VKORC1L1: variants seen among roughly 807,000 people sequenced by gnomAD.
VKORC1L1 encodes the protein vitamin K epoxide reductase complex subunit 1-like protein 1.
VKORC1L1 carries 2 observed loss-of-function variants against 18.9 expected under a neutral mutation model. That is an observed-to-expected ratio of 0.11 (90% CI 0.04 to 0.33). VKORC1L1 has a LOEUF of 0.33. Ranked by LOEUF, VKORC1L1 falls within the 10% of genes least tolerant of loss-of-function variation. The probability of loss-of-function intolerance (pLI) is 1.00; values close to 1 mark genes in which losing one functional copy is unlikely to be tolerated. For synonymous variants in VKORC1L1, 96 were observed against 100.0 expected (o/e 0.96, Z 0.24); for missense variants, 123 against 224.1 (o/e 0.55, Z 2.88).
At chr7:65,950,263 A>C (rs1406239341) in intron 2 of VKORC1L1, among the ~76,000 whole-genome samples, 3 of 152,112 alleles carry the variant, frequency 2.0e-5, no homozygotes, top group African/African-American at 7.2e-5. Flanking sequence ...CATTTTATGC[A>C]TTCTTTATCC....
At chr7:65,949,244 C>T (rs1413258879) in intron 2 of VKORC1L1, among the ~76,000 whole-genome samples, 1 of 152,038 alleles carries the variant, frequency 6.6e-6, no homozygotes, top group Non-Finnish European at 1.5e-5. Context: ...CTTAGGGAGG[C>T]CAAGATAGGC....
intron 1 of VKORC1L1, among the ~76,000 whole-genome samples, chr7:65,910,129 TA>T (rs1205585282): frequency 6.6e-6 from 1 of 152,180 alleles, no homozygotes; most frequent in African/African-American, 2.4e-5. Context: ...TCACATCTTT[TA>T]AAAGTTGGAA....
In VKORC1L1 at chr7:65,958,976, G is replaced by A. The variant is rs1208976094; in HGVS notation, c.*4676G>A. The A allele has an allele frequency of 6.6e-6, 1 of 152,234 alleles. No homozygotes were observed. Among genetic ancestry groups the A allele is most frequent in the Non-Finnish European group, 1.5e-5 (1 of 68,048 alleles). 9.4% of individuals were successfully genotyped at this position (152,234 alleles called of 1,614,324 possible). On this transcript the variant is annotated 3_prime_UTR_variant, in exon 3 of 3. Coordinates refer to ENST00000360768, the MANE Select transcript of VKORC1L1 (RefSeq NM_173517.6). Reference sequence around the variant, plus strand: ...AGCCATACTTCACGGAATAGAACAAGTGTGTTCTGTGCTGGAGCTCAAGAC... The same window carrying A: ...AGCCATACTTCACGGAATAGAACAAATGTGTTCTGTGCTGGAGCTCAAGAC...
chr7:65,879,881 T>C (rs1427505022), intron 1 of VKORC1L1, among the ~76,000 whole-genome samples: 2 of 151,736 alleles, frequency 1.3e-5, no homozygotes, highest in Non-Finnish European at 2.9e-5. Context: ...AGACATTGTC[T>C]CACTCTGTCT....
chr7:65,876,766 C>T (rs146096127), intron 1 of VKORC1L1, among the ~76,000 whole-genome samples: 163 of 152,238 alleles, frequency 1.1e-3, no homozygotes, highest in African/African-American at 3.8e-3. Context: ...TACTTAGGGC[C>T]TGGTGCAGTG....
At chr7:65,906,238 C>T (rs1476513314) in intron 1 of VKORC1L1, among the ~76,000 whole-genome samples, 2 of 151,826 alleles carry the variant, frequency 1.3e-5, no homozygotes, top group Admixed American at 6.6e-5. Flanking sequence ...AGTTCGAGAC[C>T]AGCCTGGTGC....
intron 1 of VKORC1L1, among the ~76,000 whole-genome samples, chr7:65,878,112 A>G (rs189786467): frequency 6.6e-6 from 1 of 152,284 alleles, no homozygotes; most frequent in Non-Finnish European, 1.5e-5. Context: ...AGTACCATCT[A>G]TTTACTACCC....
chr7:65,873,611 G>A, intron 1 of VKORC1L1, 46 bp downstream of exon 1: 1 of 1,453,728 alleles, frequency 6.9e-7, no homozygotes, highest in Non-Finnish European at 9.1e-7. Flanking sequence ...AGCGGGGCGA[G>A]GGTGGAGTCT....
chr7:65,893,400 A>T (rs1257675975), intron 1 of VKORC1L1, among the ~76,000 whole-genome samples: 1 of 151,990 alleles, frequency 6.6e-6, no homozygotes, highest in African/African-American at 2.4e-5. Context: ...AATTAGCTGG[A>T]TGTGATAGCA....
chr7:65,872,709 C>A (rs1788509794), upstream of VKORC1L1, among the ~76,000 whole-genome samples: 1 of 151,902 alleles, frequency 6.6e-6, no homozygotes, highest in African/African-American at 2.4e-5. Flanking sequence ...CAGGTCTAAC[C>A]GAAGGTGGTG....
intron 1 of VKORC1L1, among the ~76,000 whole-genome samples, chr7:65,889,018 C>T (rs1458167575): frequency 1.3e-5 from 2 of 152,160 alleles, no homozygotes; most frequent in East Asian, 3.9e-4. Context: ...TGACTTCTTA[C>T]TCTTGAGACG....
At chr7:65,876,394 C>T (rs1036398387) in intron 1 of VKORC1L1, among the ~76,000 whole-genome samples, 2 of 151,698 alleles carry the variant, frequency 1.3e-5, no homozygotes, top group Non-Finnish European at 2.9e-5. Context: ...CCCAGCTACT[C>T]GGGAGGCTGA....
intron 1 of VKORC1L1, among the ~76,000 whole-genome samples, chr7:65,915,852 C>G (rs568186638): frequency 6.6e-6 from 1 of 152,058 alleles, no homozygotes; most frequent in African/African-American, 2.4e-5. Context: ...TGCAGTGGCT[C>G]ACACCTGTAA....
At chr7:65,907,887 T>G (rs77425595) in intron 1 of VKORC1L1, among the ~76,000 whole-genome samples, 1 of 144,814 alleles carries the variant, frequency 6.9e-6, no homozygotes, top group African/African-American at 2.6e-5. Context: ...CTCATCAGTT[T>G]TTTTTTTTCC....
chr7:65,889,683 G>A (rs1204613154), intron 1 of VKORC1L1, among the ~76,000 whole-genome samples: 1 of 152,120 alleles, frequency 6.6e-6, no homozygotes, highest in South Asian at 2.1e-4. Context: ...AACTATATGC[G>A]TCCCCCTTCT....
At chr7:65,951,697 CTCTT>C (rs1444269553) in intron 2 of VKORC1L1, among the ~76,000 whole-genome samples, 1 of 151,970 alleles carries the variant, frequency 6.6e-6, no homozygotes, top group East Asian at 1.9e-4. Context: ...TTGTTATTGT[CTCTT>C]TATGCATATA....
At chr7:65,906,260 A>G (rs2116405296) in intron 1 of VKORC1L1, among the ~76,000 whole-genome samples, 1 of 152,040 alleles carries the variant, frequency 6.6e-6, no homozygotes, top group Admixed American at 6.6e-5. Flanking sequence ...AGTGGTCTCA[A>G]CTACTCGGGA....
chr7:65,933,396 A>C (rs1789890147), intron 1 of VKORC1L1, among the ~76,000 whole-genome samples: 1 of 152,044 alleles, frequency 6.6e-6, no homozygotes, highest in Non-Finnish European at 1.5e-5. Flanking sequence ...TTCTCTGGTA[A>C]GTTCCCTTGT....
chr7:65,900,165 A>C (rs560296957), intron 1 of VKORC1L1, among the ~76,000 whole-genome samples: 43 of 151,078 alleles, frequency 2.8e-4, no homozygotes, highest in Middle Eastern at 6.9e-3. Flanking sequence ...TGAGGTGGGC[A>C]GATCACAAGG....
Sources: gnomAD v4.1 joint callset for allele counts (sites outside exome capture counted in the v4.1 genomes callset) on GRCh38, gnomAD v4.1.1 for gene constraint, MANE v1.5 for transcripts, NCBI Gene and HGNC (gene_info 2026-07-23, HGNC 2026-07-21) for gene names.